Variants in NR3C2 observed in about 807,000 individuals in gnomAD.
NR3C2 encodes nuclear receptor subfamily 3 group C member 2.
A neutral mutation model predicts 86.4 loss-of-function variants in NR3C2; 15 were observed. The observed-to-expected ratio is 0.17, with a 90% confidence interval of 0.12 to 0.27. The LOEUF is 0.27. Among genes scored for constraint, NR3C2 ranks in the 10% least tolerant of loss-of-function variants. NR3C2 has a pLI of 1.00. For missense variants in NR3C2, 960 were observed against 1,195.6 expected (o/e 0.80, Z 2.91); for synonymous variants, 458 against 450.5 (o/e 1.02, Z -0.21).
chr4:148,329,678 CTT>C (rs893762696), intron 2 of NR3C2, among the ~76,000 whole-genome samples: 5 of 152,216 alleles, frequency 3.3e-5, no homozygotes, highest in African/African-American at 1.2e-4. Flanking sequence ...CCTGCAAAAA[CTT>C]TAAGTTATTA....
chr4:148,300,857 C>T (rs902899582), intron 2 of NR3C2, among the ~76,000 whole-genome samples: 7 of 152,312 alleles, frequency 4.6e-5, no homozygotes, highest in Admixed American at 1.3e-4. Flanking sequence ...CAGGCATGAG[C>T]CACCGCGCCC....
chr4:148,200,258 C>G (rs1403535330), intron 3 of NR3C2, among the ~76,000 whole-genome samples: 1 of 152,164 alleles, frequency 6.6e-6, no homozygotes, highest in Non-Finnish European at 1.5e-5. Context: ...GGGTTTCAGC[C>G]CCATGCATAT....
rs1730482954 is a variant in NR3C2, at chr4:148,080,289, A to G, written c.*1055T>C. The G allele has an allele frequency of 6.6e-6, 1 of 152,616 alleles. No individual in the cohort carries two copies. Among genetic ancestry groups the G allele is most frequent in the Non-Finnish European group, 1.5e-5 (1 of 68,040 alleles). The allele number at this position is 152,616 out of a possible 1,614,324, so 9.5% of individuals were successfully genotyped here. A position where few individuals can be genotyped will look rare whatever the true frequency, so the allele number is the denominator to read the frequency against. On this transcript the variant is annotated 3_prime_UTR_variant, in exon 9 of 9. Coordinates refer to ENST00000358102, the MANE Select transcript of NR3C2 (RefSeq NM_000901.5). Reference sequence around the variant, plus strand: ...AAGAACAAAACAAAAAGTACAGAAAAAGTAGAAAGGTTTCAAGACAACCGA... The same window carrying G: ...AAGAACAAAACAAAAAGTACAGAAAGAGTAGAAAGGTTTCAAGACAACCGA...
intron 4 of NR3C2, among the ~76,000 whole-genome samples, chr4:148,173,280 C>T (rs1013683872): frequency 2.0e-5 from 3 of 152,198 alleles, no homozygotes; most frequent in Non-Finnish European, 2.9e-5. Flanking sequence ...TGTCACCTTA[C>T]ATGGCAAAAG....
chr4:148,436,108 A>G lies in NR3C2; in HGVS notation c.753T>C (p.Pro251=), dbSNP rs1277194562. 1.2e-6 allele frequency: 2 copies of G among 1,614,186 alleles called. No homozygotes were observed. The highest frequency in any genetic ancestry group is 2.2e-5 in the South Asian group (2 of 91,082). ...VENRGSRSHS[P]AHASNVGSPL... The stretch of plus-strand genomic sequence containing the variant: ...GAGAGCCCACATTGCTAGCATGTGC[A>G]GGGCTGTGCGACCTGGAGCCTCGAT... Residue 251 remains proline (P), a synonymous_variant, in exon 2 of 9, where the codon CCT becomes CCC. Transcript: ENST00000358102.
chr4:148,113,984 T>G, intron 8 of NR3C2, 120 bp downstream of exon 8: 1 of 1,176,472 alleles, frequency 8.5e-7, no homozygotes, highest in South Asian at 1.3e-5. Flanking sequence ...ATATCCTTAA[T>G]GGAGTCAACA....
In NR3C2 at chr4:148,212,573, C is replaced by T. The variant is rs570246279; in HGVS notation, c.1898-17711G>A. Among the ~76,000 whole-genome samples the T allele has an allele frequency of 2.0e-5, 3 of 152,324 alleles. No homozygotes were observed. In the South Asian group the frequency reaches 6.2e-4, roughly 32 times the overall value. ...GAGTAGTAGAAGTTACTGTTTAAAA[C>T]CTTGTCCCAGAGGGGTCATTAGCCA... is the stretch of plus-strand genomic sequence containing the variant. On this transcript the variant is annotated intron_variant, in intron 3 of 8. Coordinates refer to ENST00000358102, the MANE Select transcript of NR3C2 (RefSeq NM_000901.5).
intron 3 of NR3C2, among the ~76,000 whole-genome samples, chr4:148,206,671 CTGA>C (rs1204266001): frequency 6.6e-6 from 1 of 152,128 alleles, no homozygotes; most frequent in African/African-American, 2.4e-5. Flanking sequence ...AGATTAGAAT[CTGA>C]TAAGAGAGTG....
At chr4:148,439,449 A>C (rs1268110923) in intron 1 of NR3C2, among the ~76,000 whole-genome samples, 1 of 152,048 alleles carries the variant, frequency 6.6e-6, no homozygotes, top group African/African-American at 2.4e-5. Flanking sequence ...AGATGCCTGG[A>C]AGTTACTCTT....
chr4:148,131,411 A>G (rs1444769829), intron 6 of NR3C2, among the ~76,000 whole-genome samples: 7 of 152,084 alleles, frequency 4.6e-5, no homozygotes, highest in Non-Finnish European at 1.0e-4. Context: ...ATTCCTAAAA[A>G]CAGCATGCAG....
At chr4:148,383,142 A>C (rs1302243252) in intron 2 of NR3C2, among the ~76,000 whole-genome samples, 1 of 152,222 alleles carries the variant, frequency 6.6e-6, no homozygotes, top group African/African-American at 2.4e-5. Flanking sequence ...TGACATGTAG[A>C]ATAGCATGAA....
chr4:148,129,869 A>G (rs867400372), intron 6 of NR3C2, among the ~76,000 whole-genome samples: 5 of 152,200 alleles, frequency 3.3e-5, no homozygotes, highest in Admixed American at 6.5e-5. Flanking sequence ...AAGTGCTGAG[A>G]TTACAAGTGT....
chr4:148,328,883 C>T (rs1001698418), intron 2 of NR3C2, among the ~76,000 whole-genome samples: 1 of 152,102 alleles, frequency 6.6e-6, no homozygotes, highest in Non-Finnish European at 1.5e-5. Context: ...GATTTCAAAG[C>T]CAGACTTCAA....
chr4:148,355,285 G>A (rs749254877), intron 2 of NR3C2, among the ~76,000 whole-genome samples: 4 of 152,130 alleles, frequency 2.6e-5, no homozygotes, highest in East Asian at 1.9e-4. Flanking sequence ...AGCACACACC[G>A]TTAAGTTTAT....
In NR3C2 at chr4:148,256,591, G is replaced by C. The variant is rs1208348726; in HGVS notation, c.1897+3387C>G. 4.6e-5 allele frequency among the ~76,000 whole-genome samples: 7 copies of C among 152,288 alleles called. No individual in the cohort carries two copies. In the South Asian group the frequency reaches 1.4e-3, roughly 32 times the overall value. On this transcript the variant is annotated intron_variant, in intron 3 of 8. Transcript: ENST00000358102. The stretch of plus-strand genomic sequence containing the variant: ...ATAACTTGCCTTAATCTCACACCTA[G>C]TGAGTGACGTAAAAAATTAAAACTA...
At chr4:148,147,915 G>A (rs1312696765) in intron 6 of NR3C2, among the ~76,000 whole-genome samples, 1 of 152,304 alleles carries the variant, frequency 6.6e-6, no homozygotes. Flanking sequence ...TAGCATGATA[G>A]GGCAGTCGCA....
At chr4:148,185,602 T>C (rs1560966322) in intron 4 of NR3C2, among the ~76,000 whole-genome samples, 1 of 152,188 alleles carries the variant, frequency 6.6e-6, no homozygotes, top group Non-Finnish European at 1.5e-5. Flanking sequence ...CAGTGACAAT[T>C]AGTTTTCCTT....
chr4:148,094,210 A>C (rs1394430393), intron 8 of NR3C2, among the ~76,000 whole-genome samples: 1 of 152,234 alleles, frequency 6.6e-6, no homozygotes, highest in African/African-American at 2.4e-5. Flanking sequence ...GCATTCAAAA[A>C]ACAGTGGAAA....
Position 148,307,005 on chromosome 4 carries a change from T to C in NR3C2, c.1758-46888A>G, listed in dbSNP as rs537949263. On this transcript the variant is annotated intron_variant, in intron 2 of 8. Transcript: ENST00000358102. ...TAATTTACATCTTAATATCTTAGCA[T>C]AGTATAAGAGGAAAGGCTTTCTCTC... Among the ~76,000 whole-genome samples the C allele has an allele frequency of 9.8e-5, 15 of 152,292 alleles. No individual in the cohort carries two copies. The East Asian group carries it at 2.3e-3, about 23-fold the overall frequency.
Sources: allele counts gnomAD v4.1 joint callset (sites outside exome capture counted in the v4.1 genomes callset), GRCh38; gene constraint gnomAD v4.1.1; transcripts MANE v1.5; gene names NCBI Gene and HGNC (gene_info 2026-07-23, HGNC 2026-07-21).